Variants in CNTN5 observed in about 807,000 individuals in gnomAD.
The protein encoded by CNTN5 is contactin-5.
CNTN5 carries 77 observed loss-of-function variants against 129.1 expected under a neutral mutation model. The observed-to-expected ratio is 0.60, with a 90% CI of 0.50 to 0.72. The LOEUF is 0.72. CNTN5 is among the 30% of genes least tolerant of loss of function. The pLI, the probability that CNTN5 is intolerant of heterozygous loss-of-function variation, is 0.00. For synonymous variants in CNTN5, 509 were observed against 465.6 expected (o/e 1.09, Z -1.20); for missense variants, 1,478 against 1,328.8 (o/e 1.11, Z -1.75).
chr11:99,709,853 C>A (rs796323330), intron 3 of CNTN5, among the ~76,000 whole-genome samples: 2 of 151,628 alleles, frequency 1.3e-5, no homozygotes, highest in African/African-American at 4.8e-5. Flanking sequence ...GAGGAGAGCC[C>A]TTAGGTTTAG....
At position 99,085,190 on chromosome 11, in the gene CNTN5, A is replaced by T. The variant is rs975392719; in HGVS notation, c.-210+63920A>T. ...CTCCCCAGTAGCTGGGAGTACAGGC[A>T]GGTACCCCCACGCCCAGCTAATTTT... On this transcript the variant is annotated intron_variant, in intron 1 of 24. Coordinates refer to ENST00000524871, the MANE Select transcript of CNTN5 (RefSeq NM_014361.4). 5.3e-5 allele frequency among the ~76,000 whole-genome samples: 8 copies of T among 152,016 alleles called. No homozygotes were observed. The East Asian group carries it at 1.6e-3, about 30-fold the overall frequency.
Position 100,358,625 on chromosome 11 carries a change from T to C in CNTN5, c.*2405T>C, listed in dbSNP as rs1421438945. 3 of 151,876 alleles carry C rather than the reference T, an allele frequency of 2.0e-5. No homozygotes were observed. Among genetic ancestry groups the C allele is most frequent in the Non-Finnish European group, 4.4e-5 (3 of 67,842 alleles). The allele number at this position is 151,876 out of a possible 1,614,324, so 9.4% of individuals were successfully genotyped here. A position where few individuals can be genotyped will look rare whatever the true frequency, so the allele number is the denominator to read the frequency against. On this transcript the variant is annotated 3_prime_UTR_variant, in exon 25 of 25. Transcript: ENST00000524871. ...CAGTCTTAAATCACTAAAGAGACTGTATTTTTGTATAATGTCCATTGAATA... is the reference window on the plus strand; with the variant it reads ...CAGTCTTAAATCACTAAAGAGACTGCATTTTTGTATAATGTCCATTGAATA...
chr11:99,835,078 C>T (rs1462901752), intron 4 of CNTN5, among the ~76,000 whole-genome samples: 2 of 152,218 alleles, frequency 1.3e-5, no homozygotes, highest in East Asian at 3.9e-4. Flanking sequence ...ATGTTCCCCT[C>T]CAAGGAGACT....
intron 1 of CNTN5, among the ~76,000 whole-genome samples, chr11:99,082,238 T>G (rs1473666186): frequency 6.7e-6 from 1 of 149,422 alleles, no homozygotes; most frequent in Non-Finnish European, 1.5e-5. Flanking sequence ...CAGGCTGCAG[T>G]GCAGTGGCGT....
intron 1 of CNTN5, among the ~76,000 whole-genome samples, chr11:99,306,904 C>T (rs193071788): frequency 1.3e-5 from 2 of 152,154 alleles, no homozygotes; most frequent in East Asian, 3.9e-4. Flanking sequence ...GTCATAAACT[C>T]TCTTTTCTGA....
intron 1 of CNTN5, among the ~76,000 whole-genome samples, chr11:99,201,570 T>C (rs1251897164): frequency 6.6e-6 from 1 of 152,022 alleles, no homozygotes; most frequent in Non-Finnish European, 1.5e-5. Context: ...TGTGGATGGA[T>C]TTGGTGATTG....
At chr11:100,308,799 T>C in intron 21 of CNTN5, 2 of 989,924 alleles carry the variant, frequency 2.0e-6, no homozygotes, top group South Asian at 9.1e-5. Context: ...TCCTTTCTAA[T>C]AATTTAATGT....
At chr11:99,981,487 G>A (rs1024394824) in intron 8 of CNTN5, among the ~76,000 whole-genome samples, 2 of 152,208 alleles carry the variant, frequency 1.3e-5, no homozygotes, top group African/African-American at 4.8e-5. Flanking sequence ...ACTGAGGGTG[G>A]ATCTTTCCCA....
intron 9 of CNTN5, among the ~76,000 whole-genome samples, chr11:100,007,350 G>A (rs1374319933): frequency 6.6e-6 from 1 of 152,008 alleles, no homozygotes; most frequent in African/African-American, 2.4e-5. Flanking sequence ...CTTGTTTTTA[G>A]CTATGAAAGT....
At chr11:100,309,563 G>A (rs1274659813) in intron 21 of CNTN5, 10 of 982,284 alleles carry the variant, frequency 1.0e-5, no homozygotes, top group Non-Finnish European at 1.2e-5. Context: ...CATTATGATT[G>A]CATGTTTAAT....
intron 18 of CNTN5, among the ~76,000 whole-genome samples, chr11:100,284,226 G>T (rs1325247957): frequency 6.6e-6 from 1 of 152,172 alleles, no homozygotes; most frequent in African/African-American, 2.4e-5. Context: ...CAAATACTGT[G>T]AGTGCTCACC....
intron 1 of CNTN5, among the ~76,000 whole-genome samples, chr11:99,262,487 G>A (rs1403177133): frequency 6.6e-6 from 1 of 151,790 alleles, no homozygotes; most frequent in Non-Finnish European, 1.5e-5. Flanking sequence ...TAATCAGGAG[G>A]ACAGCTTTTA....
At chr11:99,706,177 C>G (rs986428852) in intron 3 of CNTN5, among the ~76,000 whole-genome samples, 3 of 151,358 alleles carry the variant, frequency 2.0e-5, no homozygotes, top group African/African-American at 4.8e-5. Flanking sequence ...GGGAACAAAT[C>G]TGATGAGAGC....
intron 3 of CNTN5, among the ~76,000 whole-genome samples, chr11:99,653,927 G>T (rs1429510009): frequency 1.3e-5 from 2 of 151,588 alleles, no homozygotes; most frequent in Non-Finnish European, 2.9e-5. Flanking sequence ...ATCCCTCTTT[G>T]TCTAAATACT....
intron 9 of CNTN5, among the ~76,000 whole-genome samples, chr11:100,056,386 G>A (rs1943223748): frequency 6.6e-6 from 1 of 151,224 alleles, no homozygotes; most frequent in South Asian, 2.1e-4. Flanking sequence ...CTAACCATTT[G>A]CCATTTAGAG....
At chr11:99,787,701 T>TA (rs2135419426) in intron 3 of CNTN5, among the ~76,000 whole-genome samples, 1 of 152,116 alleles carries the variant, frequency 6.6e-6, no homozygotes, top group African/African-American at 2.4e-5. Context: ...CAAGATGACA[T>TA]AAAGTACATG....
At chr11:99,461,970 A>T (rs1944716983) in intron 2 of CNTN5, among the ~76,000 whole-genome samples, 1 of 152,150 alleles carries the variant, frequency 6.6e-6, no homozygotes, top group South Asian at 2.1e-4. Flanking sequence ...AGCATGTTCT[A>T]TTTATGCTAT....
At chr11:99,710,830 T>C (rs535651939) in intron 3 of CNTN5, among the ~76,000 whole-genome samples, 3 of 152,000 alleles carry the variant, frequency 2.0e-5, no homozygotes, top group East Asian at 1.9e-4. Context: ...TGAATAGTTA[T>C]AAAATCCTTT....
chr11:99,315,098 A>G (rs1367981889), intron 1 of CNTN5, among the ~76,000 whole-genome samples: 2 of 149,214 alleles, frequency 1.3e-5, no homozygotes, highest in East Asian at 2.0e-4. Context: ...AGACATTGAT[A>G]TTTATTCTAG....
Sources: gnomAD v4.1 joint callset for allele counts (sites outside exome capture counted in the v4.1 genomes callset) on GRCh38, gnomAD v4.1.1 for gene constraint, MANE v1.5 for transcripts, NCBI Gene and HGNC (gene_info 2026-07-23, HGNC 2026-07-21) for gene names.